Variants in AIRIM observed in about 807,000 individuals in gnomAD.
AIRIM encodes AFG2-interacting ribosome maturation factor.
At chr1:37,690,947 G>A in the AIRIM span, 1 of 152,396 alleles carries the variant, frequency 6.6e-6, no homozygotes, top group African/African-American at 2.4e-5. Context: ...GGAGTAGGGT[G>A]AAGGAAACCC....
chr1:37,689,623 G>A, the AIRIM span: 4 of 1,610,110 alleles, frequency 2.5e-6, no homozygotes, highest in Non-Finnish European at 3.4e-6. Flanking sequence ...CCCCTAGCTT[G>A]TCCAGGACGA....
the AIRIM span, chr1:37,682,665 A>C: frequency 6.5e-6 from 1 of 153,736 alleles, no homozygotes; most frequent in Non-Finnish European, 1.4e-5. Context: ...TCTTTAAATC[A>C]TCAAAACCAC....
chr1:37,690,507 G>A, the AIRIM span: 5 of 1,196,748 alleles, frequency 4.2e-6, no homozygotes, highest in South Asian at 3.0e-5. Context: ...ACTGCACCAC[G>A]CGCCCACAGT....
At chr1:37,681,932 A>C in the AIRIM span, 1 of 152,256 alleles carries the variant, frequency 6.6e-6, no homozygotes, top group African/African-American at 2.4e-5. Flanking sequence ...TCTTTAAAAA[A>C]ATTTGTGAAT....
At chr1:37,683,173 G>T in the AIRIM span, 1 of 1,610,158 alleles carries the variant, frequency 6.2e-7, no homozygotes. Flanking sequence ...GAAATAGGAA[G>T]ACAGAAAAAA....
chr1:37,690,661 G>A, the AIRIM span: 1,556 of 244,576 alleles, frequency 6.4e-3, 25 homozygotes, highest in African/African-American at 0.034. Flanking sequence ...TCGGCTTGAA[G>A]CTTCCTTGGG....
the AIRIM span, chr1:37,686,562 G>T: frequency 9.0e-7 from 1 of 1,113,560 alleles, no homozygotes; most frequent in Non-Finnish European, 1.3e-6. Context: ...TGTTGTGAAG[G>T]GCTGCCCTGT....
chr1:37,690,027 T>G, the AIRIM span: 295,184 of 1,411,220 alleles, frequency 0.21, 36,829 homozygotes, highest in East Asian at 0.67. Flanking sequence ...TTTTTTTTTG[T>G]TTTTTTTTCG....
chr1:37,684,462 T>C, the AIRIM span, among the ~76,000 whole-genome samples: 1 of 152,024 alleles, frequency 6.6e-6, no homozygotes, highest in African/African-American at 2.4e-5. Context: ...CTACTAAAAG[T>C]ACAAAAATTA....
chr1:37,683,510 C>G, the AIRIM span: 1 of 1,526,798 alleles, frequency 6.5e-7, no homozygotes, highest in South Asian at 1.2e-5. Flanking sequence ...CTGGTGAGAA[C>G]CAGAGGGAGC....
the AIRIM span, chr1:37,683,145 A>G: frequency 6.2e-7 from 1 of 1,612,714 alleles, no homozygotes; most frequent in South Asian, 1.1e-5. Context: ...GAAGAAGGAA[A>G]CATTCAATAG....
chr1:37,690,517 T>G, the AIRIM span: 1 of 1,186,826 alleles, frequency 8.4e-7, no homozygotes, highest in Non-Finnish European at 1.1e-6. Flanking sequence ...GCGCCCACAG[T>G]CTCTCTGCGC....
the AIRIM span, chr1:37,686,160 C>T: frequency 9.6e-7 from 1 of 1,041,346 alleles, no homozygotes; most frequent in Admixed American, 3.0e-5. Flanking sequence ...AATCCAAGTT[C>T]AGGAACCAAA....
chr1:37,683,051 T>C, the AIRIM span: 1 of 1,474,804 alleles, frequency 6.8e-7, no homozygotes, highest in Non-Finnish European at 9.5e-7. Context: ...TGACGTTTCT[T>C]TAGAAACATC....
At chr1:37,691,653 C>G in the AIRIM span, 1 of 152,870 alleles carries the variant, frequency 6.5e-6, no homozygotes, top group Non-Finnish European at 1.5e-5. Context: ...CGGGGCTCGC[C>G]GTCTACACGC....
At chr1:37,683,167 T>C in the AIRIM span, 3 of 1,611,226 alleles carry the variant, frequency 1.9e-6, no homozygotes, top group African/African-American at 2.7e-5. Flanking sequence ...ATATCTGAAA[T>C]AGGAAGACAG....
At chr1:37,686,372 G>A in the AIRIM span, 4 of 1,614,142 alleles carry the variant, frequency 2.5e-6, no homozygotes, top group Non-Finnish European at 3.4e-6. Context: ...AATGCCAACT[G>A]TGTCTGCGTG....
the AIRIM span, chr1:37,686,486 T>G: frequency 6.3e-7 from 1 of 1,597,290 alleles, no homozygotes; most frequent in Non-Finnish European, 8.5e-7. Flanking sequence ...GGCAATATCA[T>G]GAGACATGTA....
At chr1:37,685,561 T>C in the AIRIM span, among the ~76,000 whole-genome samples, 1 of 151,920 alleles carries the variant, frequency 6.6e-6, no homozygotes, top group African/African-American at 2.4e-5. Context: ...CTAATTTTTG[T>C]ATTTTTTGTA....
Sources: allele counts gnomAD v4.1 joint callset (sites outside exome capture counted in the v4.1 genomes callset), GRCh38; gene constraint gnomAD v4.1.1; transcripts MANE v1.5; gene names NCBI Gene and HGNC (gene_info 2026-07-23, HGNC 2026-07-21).